The following DPP6 variants were observed in gnomAD, a reference collection of about 807,000 sequenced individuals.
DPP6 encodes A-type potassium channel modulatory protein DPP6.
In DPP6, 69 loss-of-function variants were observed where a neutral mutation model predicts 122.6. That is an observed-to-expected ratio of 0.56 (90% confidence interval 0.46 to 0.69). DPP6 has a LOEUF of 0.69. DPP6 is among the 30% of genes least tolerant of loss of function. The pLI is 0.00. For missense variants in DPP6, 928 were observed against 1,116.9 expected (o/e 0.83, Z 2.41); for synonymous variants, 418 against 433.1 (o/e 0.97, Z 0.43).
chr7:154,729,965 C>T (rs1427234777), intron 8 of DPP6, among the ~76,000 whole-genome samples: 2 of 152,230 alleles, frequency 1.3e-5, no homozygotes, highest in Admixed American at 6.5e-5. Context: ...ATGTCCCCAG[C>T]TCCACCAAAG....
intron 12 of DPP6, among the ~76,000 whole-genome samples, chr7:154,796,980 G>A (rs61577885): frequency 0.26 from 39,774 of 152,100 alleles, 5,647 homozygotes; most frequent in Admixed American, 0.34. Context: ...AGAAGATATC[G>A]GGAAGAGGGA....
intron 1 of DPP6, among the ~76,000 whole-genome samples, chr7:153,946,060 C>T (rs371115257): frequency 6.6e-6 from 1 of 152,116 alleles, no homozygotes; most frequent in Non-Finnish European, 1.5e-5. Context: ...GGCACAGACA[C>T]AAGAAACATA....
chr7:154,610,707 C>G (rs937004), intron 5 of DPP6, among the ~76,000 whole-genome samples: 1,571 of 122,002 alleles, frequency 0.013, 14 homozygotes, highest in East Asian at 0.019. Context: ...GTGTTGTTCT[C>G]TGTGTGTGTG....
At chr7:154,490,530 C>T (rs1004918686) in intron 3 of DPP6, among the ~76,000 whole-genome samples, 1 of 152,226 alleles carries the variant, frequency 6.6e-6, no homozygotes, top group Non-Finnish European at 1.5e-5. Context: ...TTGCCTTTTC[C>T]ACCAGATGTT....
At chr7:154,814,659 AGTCTCTCACAGTTCT>A (rs1799300793) in intron 16 of DPP6, among the ~76,000 whole-genome samples, 1 of 152,244 alleles carries the variant, frequency 6.6e-6, no homozygotes, top group Non-Finnish European at 1.5e-5. Context: ...ACAGAAATTT[AGTCTCTCACAGTTCT>A]GGAGGCCGGA....
chr7:154,288,761 G>A (rs1196953545), intron 1 of DPP6, among the ~76,000 whole-genome samples: 1 of 152,130 alleles, frequency 6.6e-6, no homozygotes, highest in Admixed American at 6.6e-5. Context: ...GCTGTTTTAA[G>A]CACTTCTGAT....
chr7:154,294,549 T>G (rs539836570), intron 1 of DPP6, among the ~76,000 whole-genome samples: 52 of 152,286 alleles, frequency 3.4e-4, no homozygotes, highest in Middle Eastern at 3.4e-3. Flanking sequence ...TATTTCATGT[T>G]GAGAATAAAG....
the DPP6 span, among the ~76,000 whole-genome samples, chr7:153,786,006 T>TAACA: frequency 3.3e-5 from 5 of 152,166 alleles, no homozygotes; most frequent in Non-Finnish European, 7.3e-5. Flanking sequence ...ATTTCAAATG[T>TAACA]AATAGTTTAT....
At chr7:154,093,848 G>C (rs1805109145) in intron 1 of DPP6, 1 of 151,178 alleles carries the variant, frequency 6.6e-6, no homozygotes. Flanking sequence ...CGTGTGGTGT[G>C]GGTGTGGGTA....
chr7:154,257,132 T>C (rs1374918388), intron 1 of DPP6, among the ~76,000 whole-genome samples: 1 of 151,754 alleles, frequency 6.6e-6, no homozygotes, highest in Admixed American at 6.6e-5. Context: ...GAGTAGCATG[T>C]GCCACTATGC....
At chr7:153,751,978 T>C in the DPP6 span, among the ~76,000 whole-genome samples, 1 of 152,182 alleles carries the variant, frequency 6.6e-6, no homozygotes, top group Admixed American at 6.5e-5. Flanking sequence ...GACATAGCTG[T>C]CCAAAACTTG....
chr7:154,881,183 G>A lies in DPP6; in HGVS notation c.2133+241G>A, dbSNP rs1352798801. The A allele has an allele frequency of 3.4e-5, 20 of 591,884 alleles. No homozygotes were observed. The South Asian group carries it at 3.7e-4, about 11-fold the overall frequency. The allele number at this position is 591,884 out of a possible 1,614,324, so 36.7% of individuals were successfully genotyped here. On this transcript the variant is annotated intron_variant, in intron 21 of 25. Transcript: ENST00000377770. ...GAAAGAGAAGGGAAGCCAAGTCCCCGCAGGAGAGCTCTAATACATTCCTAA... is the reference window on the plus strand; with the variant it reads ...GAAAGAGAAGGGAAGCCAAGTCCCCACAGGAGAGCTCTAATACATTCCTAA...
chr7:154,419,881 A>G (rs768066695), intron 1 of DPP6, among the ~76,000 whole-genome samples: 4 of 152,198 alleles, frequency 2.6e-5, no homozygotes, highest in African/African-American at 4.8e-5. Context: ...TCAAAGAGAC[A>G]CCAGCACCCC....
the DPP6 span, among the ~76,000 whole-genome samples, chr7:153,827,971 C>T: frequency 1.3e-5 from 2 of 152,158 alleles, no homozygotes; most frequent in Non-Finnish European, 2.9e-5. Flanking sequence ...TAACGAGGCC[C>T]CTGCCCTAGA....
intron 1 of DPP6, among the ~76,000 whole-genome samples, chr7:154,166,989 C>A (rs1797284301): frequency 1.3e-5 from 2 of 149,152 alleles, no homozygotes; most frequent in East Asian, 3.9e-4. Context: ...TCTCAAAAAA[C>A]AAAACAAAAC....
At chr7:154,076,416 C>T (rs1803557459) in intron 1 of DPP6, among the ~76,000 whole-genome samples, 1 of 151,716 alleles carries the variant, frequency 6.6e-6, no homozygotes. Context: ...TGGCAATGCA[C>T]TCCAGCCTGG....
the DPP6 span, among the ~76,000 whole-genome samples, chr7:153,830,897 C>G: frequency 6.6e-6 from 1 of 152,170 alleles, no homozygotes; most frequent in South Asian, 2.1e-4. Context: ...GATTGATTAG[C>G]ATTTCCTAAG....
At chr7:154,466,365 A>G (rs998097926) in intron 2 of DPP6, among the ~76,000 whole-genome samples, 2 of 152,210 alleles carry the variant, frequency 1.3e-5, no homozygotes, top group African/African-American at 4.8e-5. Context: ...AAAAAAATAA[A>G]TAAATGCAGA....
intron 16 of DPP6, among the ~76,000 whole-genome samples, chr7:154,848,324 G>A (rs1197766337): frequency 2.1e-5 from 3 of 141,348 alleles, no homozygotes; most frequent in African/African-American, 7.3e-5. Flanking sequence ...CCACATGCTT[G>A]CCGACACTTG....
Sources: allele counts gnomAD v4.1 joint callset (sites outside exome capture counted in the v4.1 genomes callset), GRCh38; gene constraint gnomAD v4.1.1; transcripts MANE v1.5; gene names NCBI Gene and HGNC (gene_info 2026-07-23, HGNC 2026-07-21).